The following CMTR1 variants were observed in gnomAD, a reference collection of about 807,000 sequenced individuals.
The protein encoded by CMTR1 is cap methyltransferase 1.
In CMTR1, 39 loss-of-function variants were observed where a neutral mutation model predicts 107.0. The observed-to-expected ratio is 0.36, with a 90% CI of 0.28 to 0.48. The LOEUF is 0.48. Ranked by LOEUF, CMTR1 falls within the 20% of genes least tolerant of loss-of-function variation. CMTR1 has a pLI of 0.99. For missense variants in CMTR1, 672 were observed against 1,064.9 expected (o/e 0.63, Z 5.14); for synonymous variants, 366 against 379.5 (o/e 0.96, Z 0.41).
the CMTR1 span, among the ~76,000 whole-genome samples, chr6:37,427,239 G>A: frequency 1.6e-4 from 24 of 152,006 alleles, no homozygotes; most frequent in African/African-American, 2.4e-4. The surrounding 1 kb of genome is among the most constrained non-coding windows in gnomAD (Gnocchi z 4.4). Context: ...TACATCAGAC[G>A]GATTCCGCCA....
intron 13 of CMTR1, among the ~76,000 whole-genome samples, chr6:37,463,736 C>T (rs574584799): frequency 2.0e-5 from 3 of 152,144 alleles, no homozygotes; most frequent in Admixed American, 1.3e-4. Context: ...CCTGGAGAAT[C>T]ATAGAAGGGG....
the CMTR1 span, among the ~76,000 whole-genome samples, chr6:37,426,705 C>T: frequency 6.6e-6 from 1 of 152,078 alleles, no homozygotes; most frequent in East Asian, 1.9e-4. Context: ...GGCCAATTTT[C>T]CTCAGATCTT....
intron 20 of CMTR1, among the ~76,000 whole-genome samples, chr6:37,476,440 G>A (rs896165308): frequency 1.3e-5 from 2 of 152,318 alleles, no homozygotes; most frequent in East Asian, 1.9e-4. Context: ...TAGGATGCAC[G>A]TGCTTCTGAG....
Position 37,462,195 on chromosome 6 carries a change from A to G in CMTR1, c.1325+93A>G, listed in dbSNP as rs932214665. The G allele has an allele frequency of 4.7e-5, 68 of 1,444,146 alleles. No individual in the cohort carries two copies. In the East Asian group the frequency reaches 1.4e-3, roughly 30 times the overall value. The allele number at this position is 1,444,146 out of a possible 1,614,324, so 89.5% of individuals were successfully genotyped here. ...TCTCTCTGGCATGACCTCTTAAGCT[A>G]CGTTTAAAACCTTGACTTTAAAGAA... On this transcript the variant is annotated intron_variant, in intron 12 of 23. Coordinates refer to ENST00000373451, the MANE Select transcript of CMTR1 (RefSeq NM_015050.3).
At chr6:37,437,165 C>T (rs1048451943) in intron 2 of CMTR1, among the ~76,000 whole-genome samples, 1 of 151,918 alleles carries the variant, frequency 6.6e-6, no homozygotes, top group East Asian at 1.9e-4. Context: ...TGAATGGGAC[C>T]CAACATAAAT....
chr6:37,431,209 T>C (rs1054159214), upstream of CMTR1, among the ~76,000 whole-genome samples: 3 of 152,336 alleles, frequency 2.0e-5, no homozygotes, highest in East Asian at 3.9e-4. Context: ...TTGCTAAATA[T>C]GTTAACTTTT....
At chr6:37,424,058 T>G in the CMTR1 span, among the ~76,000 whole-genome samples, 2 of 152,182 alleles carry the variant, frequency 1.3e-5, no homozygotes, top group African/African-American at 2.4e-5. Context: ...AGGTAGCCTT[T>G]TTTTTATTGG....
chr6:37,435,660 GC>G lies in CMTR1; in HGVS notation c.36del (p.Ile13SerfsTer13). The G allele has an allele frequency of 6.2e-7, 1 of 1,600,586 alleles. No homozygotes were observed. Among genetic ancestry groups the G allele is most frequent in the Non-Finnish European group, 8.5e-7 (1 of 1,174,762 alleles). On this transcript the variant is annotated frameshift_variant, in exon 2 of 24. Coordinates refer to ENST00000373451, the MANE Select transcript of CMTR1 (RefSeq NM_015050.3). LOFTEE classifies it high-confidence loss of function. MKRRTDPECT[A>X]PIKKQKKRVA... ...GAGGAGAACTGACCCAGAATGCACT[GC>G]CCCCATCAAGAAACAGAAAAAAAGA... is the stretch of plus-strand genomic sequence containing the variant.
intron 4 of CMTR1, among the ~76,000 whole-genome samples, chr6:37,448,934 C>G (rs1771868899): frequency 6.6e-6 from 1 of 152,136 alleles, no homozygotes; most frequent in Non-Finnish European, 1.5e-5. Flanking sequence ...GGCATCAGTA[C>G]TATTTTTTAT....
chr6:37,443,332 A>G (rs1455055516), intron 2 of CMTR1, among the ~76,000 whole-genome samples: 6 of 151,962 alleles, frequency 3.9e-5, no homozygotes, highest in African/African-American at 1.5e-4. Flanking sequence ...TTCAGTAAAT[A>G]CACTTTATAT....
chr6:37,467,313 T>C (rs1266909172), intron 13 of CMTR1, among the ~76,000 whole-genome samples: 1 of 152,214 alleles, frequency 6.6e-6, no homozygotes, highest in Non-Finnish European at 1.5e-5. Context: ...ATTCAGATAA[T>C]TTAGGATTTT....
At chr6:37,424,944 C>CTTTTTT in the CMTR1 span, among the ~76,000 whole-genome samples, 1 of 101,402 alleles carries the variant, frequency 9.9e-6, no homozygotes, top group Non-Finnish European at 1.9e-5. Context: ...TTTTCCCTCA[C>CTTTTTT]TTTTTTTTTT....
intron 21 of CMTR1, among the ~76,000 whole-genome samples, chr6:37,478,000 AG>A (rs557027949): frequency 4.9e-4 from 75 of 152,348 alleles, no homozygotes; most frequent in African/African-American, 1.6e-3. Flanking sequence ...GAGGGGTAGA[AG>A]GGGCATAAAT....
chr6:37,479,208 C>G lies in CMTR1; in HGVS notation c.2328C>G (p.Thr776=), dbSNP rs1450632910. ...AGAAGTTCTTCTACAACAAGAAAAC[C>G]AAGGACTCTACTTTTGACCTCCCTG... ...FKKKFFYNKK[T]KDSTFDLPAD... The change falls in exon 23 of 24, where the codon ACC becomes ACG. Residue 776 remains threonine, a synonymous_variant. Transcript: ENST00000373451. 2 of 1,614,122 alleles carry G rather than the reference C, an allele frequency of 1.2e-6. No individual in the cohort carries two copies. The highest frequency in any genetic ancestry group is 4.5e-5 in the East Asian group (2 of 44,882).
chr6:37,446,598 C>A, intron 4 of CMTR1, 149 bp downstream of exon 4: 2 of 928,522 alleles, frequency 2.2e-6, no homozygotes, highest in Non-Finnish European at 3.2e-6. Flanking sequence ...TGGGGATATC[C>A]AGAATGGAAA....
Position 37,480,284 on chromosome 6 carries a change from T to G in CMTR1, c.*139T>G. On this transcript the variant is annotated 3_prime_UTR_variant, in exon 24 of 24. Coordinates refer to ENST00000373451, the MANE Select transcript of CMTR1 (RefSeq NM_015050.3). ...CACCTGGCATGAGGAGTGGGTGGCC[T>G]CCTCTCCATCCCCTGAAGAGCTCAG... 10 of 1,459,834 alleles carry G rather than the reference T, an allele frequency of 6.9e-6. No homozygotes were observed. The highest frequency in any genetic ancestry group is 8.9e-6 in the Non-Finnish European group (10 of 1,122,356). 90.4% of individuals were successfully genotyped at this position (1,459,834 alleles called of 1,614,324 possible).
chr6:37,472,010 T>C lies in CMTR1; in HGVS notation c.1620+106T>C. On this transcript the variant is annotated intron_variant, in intron 15 of 23. Transcript: ENST00000373451. This position sits in a 1 kb window ranked among gnomAD's most constrained non-coding sequence, Gnocchi z 4.1. The stretch of plus-strand genomic sequence containing the variant: ...CTTAGGGTGTCTCTGCATCCAAAAA[T>C]ATCTGCTACCCTCACAGCATCCCAG... 1 of 975,686 alleles carries C rather than the reference T, an allele frequency of 1.0e-6. No homozygotes were observed. The highest frequency in any genetic ancestry group is 1.6e-5 in the African/African-American group (1 of 61,870). The allele number at this position is 975,686 out of a possible 1,614,324, so 60.4% of individuals were successfully genotyped here.
chr6:37,466,800 A>G (rs1200665841), intron 13 of CMTR1, among the ~76,000 whole-genome samples: 1 of 152,108 alleles, frequency 6.6e-6, no homozygotes, highest in Admixed American at 6.5e-5. Flanking sequence ...ATTCCATATA[A>G]ATTTTAGGAT....
At chr6:37,437,666 T>C (rs1042865511) in intron 2 of CMTR1, among the ~76,000 whole-genome samples, 1 of 152,122 alleles carries the variant, frequency 6.6e-6, no homozygotes, top group Non-Finnish European at 1.5e-5. Context: ...GGAATTGAAG[T>C]TCCTGAGTAA....
Sources: allele counts gnomAD v4.1 joint callset (sites outside exome capture counted in the v4.1 genomes callset), GRCh38; gene constraint gnomAD v4.1.1; non-coding constraint Gnocchi (gnomAD v3.1); transcripts MANE v1.5; gene names NCBI Gene and HGNC (gene_info 2026-07-23, HGNC 2026-07-21).